Variants in MRC2 observed in about 807,000 individuals in gnomAD.
The protein encoded by MRC2 is mannose receptor C-type 2, also known as C-type mannose receptor 2.
MRC2 carries 84 observed loss-of-function variants against 206.2 expected under a neutral mutation model. That is an observed-to-expected ratio of 0.41 (90% CI 0.34 to 0.49). MRC2 has a LOEUF of 0.49. Ranked by LOEUF, MRC2 falls within the 20% of genes least tolerant of loss-of-function variation. MRC2 has a pLI of 0.31. For synonymous variants in MRC2, 798 were observed against 800.0 expected, an observed-to-expected ratio of 1.00 and a Z score of 0.04; for missense variants, 1,676 against 2,001.5, an observed-to-expected ratio of 0.84 and a Z score of 3.10.
chr17:62,682,142 A>C (rs1328198676), intron 19 of MRC2, 93 bp from the exon 20 acceptor site: 4 of 1,346,032 alleles, frequency 3.0e-6, no homozygotes, highest in Non-Finnish European at 4.0e-6. Context: ...CTCTGCCCAG[A>C]CTCCTCTCAG....
At chr17:62,632,154 C>T (rs2084221203) in intron 1 of MRC2, among the ~76,000 whole-genome samples, 1 of 152,076 alleles carries the variant, frequency 6.6e-6, no homozygotes, top group East Asian at 1.9e-4. Context: ...GGGGTTGTAC[C>T]AGTAAACGGC....
Position 62,667,421 on chromosome 17 carries a change from T to C in MRC2, c.1005T>C (p.Cys335=). The C allele has an allele frequency of 6.2e-7, 1 of 1,611,532 alleles. No individual in the cohort carries two copies. Among genetic ancestry groups the C allele is most frequent in the Non-Finnish European group, 8.5e-7 (1 of 1,179,422 alleles). The change falls in exon 6 of 30, where the codon TGT becomes TGC. Residue 335 remains cysteine, a synonymous_variant. Coordinates refer to ENST00000303375, the MANE Select transcript of MRC2 (RefSeq NM_006039.5). The surrounding 1 kb of genome is among the most constrained non-coding windows in gnomAD (Gnocchi z 4.1). The part of the protein sequence containing the change: ...DQPDNPSEEN[C]GVIRTESSGG... ...CGGACAACCCCAGTGAGGAGAACTG[T>C]GGAGTGATCCGCACTGAGTCCTCGG...
intron 1 of MRC2, among the ~76,000 whole-genome samples, chr17:62,653,290 G>A (rs900731646): frequency 5.9e-5 from 9 of 152,286 alleles, no homozygotes; most frequent in African/African-American, 1.7e-4. Flanking sequence ...GAAGGGGAAG[G>A]CCAGCGCGGG....
rs1204935662 is a variant in MRC2, at chr17:62,692,135, T to A, written c.4216T>A (p.Ser1406Thr). ...AGCTGAGCAGAGCAGCTTCTCCCCA[T>A]CAGGTGAGTGAAAGGCAATGCCCCC... ...PRAEQSSFSP[S>T]ALPENPAALV... is the part of the protein sequence containing the mutation. Residue 1406 changes from serine (S) to threonine (T), a missense_variant, in exon 29 of 30, where the codon TCA becomes ACA. Ser to Thr is a moderately conservative substitution (Grantham distance 58, BLOSUM62 1). Coordinates refer to ENST00000303375, the MANE Select transcript of MRC2 (RefSeq NM_006039.5). The surrounding 1 kb of genome is among the most constrained non-coding windows in gnomAD (Gnocchi z 4.2). 2 of 1,614,202 alleles carry A rather than the reference T, an allele frequency of 1.2e-6. No homozygotes were observed. Among genetic ancestry groups the A allele is most frequent in the Non-Finnish European group, 1.7e-6 (2 of 1,180,038 alleles).
At position 62,692,349 on chromosome 17, in the gene MRC2, C is replaced by T; in HGVS notation, c.4338C>T (p.Ala1446=). ...GGCGCCAGAGCATCGAGCGCGGGGC[C>T]TTTGAGGGTGCCCGCTACAGCCGCA... ...YRRRQSIERG[A]FEGARYSRSS... is the part of the protein sequence containing the mutation. The change falls in exon 30 of 30, where the codon GCC becomes GCT. Residue 1446 remains alanine, a synonymous_variant. Coordinates refer to ENST00000303375, the MANE Select transcript of MRC2 (RefSeq NM_006039.5). This position sits in a 1 kb window ranked among gnomAD's most constrained non-coding sequence, Gnocchi z 4.2. 1 of 1,575,366 alleles carries T rather than the reference C, an allele frequency of 6.3e-7. No individual in the cohort carries two copies. The highest frequency in any genetic ancestry group is 8.6e-7 in the Non-Finnish European group (1 of 1,160,532).
chr17:62,682,723 C>A (rs2088984581), intron 20 of MRC2, among the ~76,000 whole-genome samples: 1 of 151,192 alleles, frequency 6.6e-6, no homozygotes, highest in Non-Finnish European at 1.5e-5. Context: ...CTCACTGCAA[C>A]CTCTGCTTCC....
chr17:62,676,322 C>T, intron 10 of MRC2, 61 bp from the exon 11 acceptor site: 1 of 1,599,616 alleles, frequency 6.3e-7, no homozygotes, highest in Non-Finnish European at 8.5e-7. Flanking sequence ...GGGCGTCTGG[C>T]CTGTGACTGG....
At position 62,690,767 on chromosome 17, in the gene MRC2, T is replaced by A. The variant is rs2089098843; in HGVS notation, c.4012+6T>A. ...CATGAACTTCAACCCCAAAGGTGGG[T>A]GCCCTGTGTGTGGGGTGGAGAGGTC... On this transcript the variant is annotated splice_donor_region_variant and intron_variant, in intron 27 of 29. Transcript: ENST00000303375. 6 of 1,597,718 alleles carry A rather than the reference T, an allele frequency of 3.8e-6. No homozygotes were observed. The highest frequency in any genetic ancestry group is 5.1e-6 in the Non-Finnish European group (6 of 1,172,290).
At chr17:62,674,588 G>C (rs747564743) in intron 9 of MRC2, among the ~76,000 whole-genome samples, 1 of 152,194 alleles carries the variant, frequency 6.6e-6, no homozygotes, top group African/African-American at 2.4e-5. Context: ...GACACAGGGC[G>C]TGTGCTGGTC....
At position 62,657,104 on chromosome 17, in the gene MRC2, C is replaced by G. The variant is rs548210793; in HGVS notation, c.119-7444C>G. Among the ~76,000 whole-genome samples the G allele has an allele frequency of 5.3e-5, 8 of 152,268 alleles. No homozygotes were observed. In the East Asian group the frequency reaches 1.5e-3, roughly 29 times the overall value. On this transcript the variant is annotated intron_variant, in intron 1 of 29. Coordinates refer to ENST00000303375, the MANE Select transcript of MRC2 (RefSeq NM_006039.5). The stretch of plus-strand genomic sequence containing the variant: ...AGAGTGAGCCTTGTGCCCACCCACA[C>G]ATCCACATAGCCAGAGGTACACAAT...
At chr17:62,629,505 T>C (rs1344852143) in intron 1 of MRC2, among the ~76,000 whole-genome samples, 1 of 152,148 alleles carries the variant, frequency 6.6e-6, no homozygotes, top group African/African-American at 2.4e-5. Flanking sequence ...CCCTTCCCGT[T>C]GGCACTGCAT....
At chr17:62,676,602 C>G in intron 11 of MRC2, 71 bp downstream of exon 11, 1 of 1,515,652 alleles carries the variant, frequency 6.6e-7, no homozygotes, top group Non-Finnish European at 8.8e-7. Flanking sequence ...CTGCCAGCAC[C>G]GAGCCCCAGG....
chr17:62,642,521 A>G (rs1260174396), intron 1 of MRC2, among the ~76,000 whole-genome samples: 1 of 152,180 alleles, frequency 6.6e-6, no homozygotes, highest in African/African-American at 2.4e-5. Context: ...ATCTCAGCTC[A>G]CTGCAACCTC....
chr17:62,680,109 G>T lies in MRC2; in HGVS notation c.2299-61G>T. On this transcript the variant is annotated intron_variant, in intron 14 of 29. Transcript: ENST00000303375. The surrounding 1 kb of genome is among the most constrained non-coding windows in gnomAD (Gnocchi z 4.8). ...CAGGCCTCTTGTTCACCTGTTCCGG[G>T]CATGGGGGCGGCCTGCACCTTGCGC... is the stretch of plus-strand genomic sequence containing the variant. 6.2e-7 allele frequency: 1 copy of T among 1,605,676 alleles called. No individual in the cohort carries two copies.
intron 9 of MRC2, among the ~76,000 whole-genome samples, chr17:62,674,704 G>A (rs182030247): frequency 2.6e-5 from 4 of 151,994 alleles, no homozygotes; most frequent in Non-Finnish European, 4.4e-5. Flanking sequence ...GAGGTTGAGG[G>A]GGGGGGTGTC....
intron 11 of MRC2, chr17:62,676,743 CTCA>C (rs2088897769): frequency 7.6e-6 from 4 of 526,514 alleles, no homozygotes; most frequent in Non-Finnish European, 9.7e-6. Context: ...CCTCAGTTTT[CTCA>C]TCTGTCCAGT....
chr17:62,690,457 A>G (rs1270567169), intron 26 of MRC2, 152 bp downstream of exon 26: 1 of 1,329,592 alleles, frequency 7.5e-7, no homozygotes, highest in Non-Finnish European at 1.0e-6. Context: ...GAGACCATAC[A>G]TGACACTATA....
chr17:62,677,476 A>G lies in MRC2; in HGVS notation c.2042A>G (p.Tyr681Cys), dbSNP rs2088908824. The G allele has an allele frequency of 6.2e-7, 1 of 1,604,614 alleles. No homozygotes were observed. The highest frequency in any genetic ancestry group is 1.7e-5 in the Admixed American group (1 of 59,748). Residue 681 changes from tyrosine (Y) to cysteine (C), a missense_variant, in exon 12 of 30, where the codon TAT becomes TGT. Tyr to Cys is a radical substitution (Grantham distance 194). Coordinates refer to ENST00000303375, the MANE Select transcript of MRC2 (RefSeq NM_006039.5). ...QGWASDTKLR[Y>C]CYKVFSSERL... ...TGGGCCTCGGACACCAAACTCCGGT[A>G]TTGCTATAAGGTAGGGCAGCCTGTT...
rs904242475 is a variant in MRC2 at position 62,672,907 on chromosome 17, G to T, written c.1461+755G>T. On this transcript the variant is annotated intron_variant, in intron 8 of 29. Transcript: ENST00000303375. This position sits in a 1 kb window ranked among gnomAD's most constrained non-coding sequence, Gnocchi z 4.5. ...CTCCAGAGGCTGAGGCAAGAGAATC[G>T]CTTGAACCTGGAAGGCAGAGGCTGC... Among the ~76,000 whole-genome samples, 5 of 151,750 alleles carry T rather than the reference G, an allele frequency of 3.3e-5. No individual in the cohort carries two copies. The highest frequency in any genetic ancestry group is 5.9e-5 in the Non-Finnish European group (4 of 67,980).
Sources: allele counts gnomAD v4.1 joint callset (sites outside exome capture counted in the v4.1 genomes callset), GRCh38; gene constraint gnomAD v4.1.1; non-coding constraint Gnocchi (gnomAD v3.1); transcripts MANE v1.5; gene names NCBI Gene and HGNC (gene_info 2026-07-23, HGNC 2026-07-21).